Variants in LIMK2 observed in about 807,000 individuals in gnomAD.
LIMK2 encodes LIM domain kinase 2.
LIMK2 carries 35 observed loss-of-function variants against 75.7 expected under a neutral mutation model. That is an observed-to-expected ratio of 0.46 (90% confidence interval 0.35 to 0.61). The LOEUF (loss-of-function observed/expected upper bound fraction) is 0.61. Among genes scored for constraint, LIMK2 ranks in the 20% least tolerant of loss-of-function variants. The pLI is 0.00. For synonymous variants in LIMK2, 301 were observed against 319.2 expected (o/e 0.94, Z 0.61); for missense variants, 623 against 831.0 (o/e 0.75, Z 3.08).
Position 31,275,322 on chromosome 22 carries a change from C to T in LIMK2, c.1772+14C>T. ...GCCTGAGAGCAGGTTGGTATCCTGCCTTTTTCTCCCAGCTCACAGGGTCCT... is the reference window on the plus strand; with the variant it reads ...GCCTGAGAGCAGGTTGGTATCCTGCTTTTTTCTCCCAGCTCACAGGGTCCT... On this transcript the variant is annotated intron_variant, in intron 15 of 15. Coordinates refer to ENST00000331728, the MANE Select transcript of LIMK2 (RefSeq NM_005569.4). 1 of 1,613,904 alleles carries T rather than the reference C, an allele frequency of 6.2e-7. No homozygotes were observed. The highest frequency in any genetic ancestry group is 8.5e-7 in the Non-Finnish European group (1 of 1,179,928).
chr22:31,276,112 T>G (rs568644729), intron 15 of LIMK2, among the ~76,000 whole-genome samples: 17 of 152,196 alleles, frequency 1.1e-4, no homozygotes, highest in Admixed American at 9.8e-4. Flanking sequence ...GGCAGGTGCC[T>G]GTAACCCCAG....
intron 2 of LIMK2, among the ~76,000 whole-genome samples, chr22:31,245,009 A>G (rs1031571379): frequency 2.6e-5 from 4 of 152,262 alleles, no homozygotes; most frequent in Non-Finnish European, 5.9e-5. Flanking sequence ...GAGAAAAATC[A>G]CAGCACTGTG....
intron 8 of LIMK2, among the ~76,000 whole-genome samples, chr22:31,266,391 G>A (rs958665725): frequency 6.6e-6 from 1 of 152,130 alleles, no homozygotes; most frequent in Non-Finnish European, 1.5e-5. Context: ...CCTCCAGTCA[G>A]TGGGTGTTTG....
At chr22:31,246,553 G>A (rs1213625035) in intron 2 of LIMK2, among the ~76,000 whole-genome samples, 1 of 152,054 alleles carries the variant, frequency 6.6e-6, no homozygotes, top group East Asian at 1.9e-4. Context: ...CAGAAAAAGT[G>A]CCTTGACCTG....
intron 2 of LIMK2, among the ~76,000 whole-genome samples, chr22:31,245,495 T>C (rs952946815): frequency 2.6e-5 from 4 of 151,956 alleles, no homozygotes; most frequent in African/African-American, 9.7e-5. Flanking sequence ...AGAGACAGGG[T>C]TTCTCCATGT....
chr22:31,278,411 G>A lies in LIMK2; in HGVS notation c.1887G>A (p.Gln629=), dbSNP rs1348745484. The stretch of plus-strand genomic sequence containing the variant: ...AGTTGGACCACACTGTGAGCATGCA[G>A]TACGGCCTGACCCGGGACTCACCTC... ...LEELDHTVSM[Q]YGLTRDSPP The change falls in exon 16 of 16, where the codon CAG becomes CAA. Residue 629 remains glutamine (Q), a synonymous_variant. Transcript: ENST00000331728. 1 of 1,613,342 alleles carries A rather than the reference G, an allele frequency of 6.2e-7. No homozygotes were observed. The highest frequency in any genetic ancestry group is 8.5e-7 in the Non-Finnish European group (1 of 1,179,730).
At chr22:31,265,923 C>T (rs372823463) in intron 7 of LIMK2, 23 bp from the exon 8 acceptor site, 33 of 1,611,208 alleles carry the variant, frequency 2.0e-5, no homozygotes, top group Non-Finnish European at 5.1e-6. Flanking sequence ...CACATCCCTA[C>T]TCCCGTCTTT....
chr22:31,263,143 G>A (rs563844655), intron 7 of LIMK2, among the ~76,000 whole-genome samples: 1 of 152,306 alleles, frequency 6.6e-6, no homozygotes, highest in Non-Finnish European at 1.5e-5. Context: ...AATAAATTGT[G>A]TAGAAAGACT....
intron 2 of LIMK2, among the ~76,000 whole-genome samples, chr22:31,233,148 G>C (rs2048543347): frequency 1.3e-5 from 2 of 152,188 alleles, no homozygotes; most frequent in South Asian, 2.1e-4. Context: ...GGCTGCTTGA[G>C]CTTAAATGCC....
chr22:31,275,169 G>A lies in LIMK2; in HGVS notation c.1633G>A (p.Ala545Thr). 6.2e-7 allele frequency: 1 copy of A among 1,614,202 alleles called. No individual in the cohort carries two copies. Among genetic ancestry groups the A allele is most frequent in the Non-Finnish European group, 8.5e-7 (1 of 1,180,042 alleles). Reference protein sequence around the residue: ...VLCEIIGQVYADPDCLPRTLD... With the variant: ...VLCEIIGQVYTDPDCLPRTLD... ...CCTACAGATCATTGGGCAGGTGTAT[G>A]CAGATCCTGACTGCCTTCCCCGAAC... The change falls in exon 15 of 16, where the codon GCA (alanine) becomes ACA (threonine). Residue 545 changes from alanine to threonine, a missense_variant. Coordinates refer to ENST00000331728, the MANE Select transcript of LIMK2 (RefSeq NM_005569.4).
intron 2 of LIMK2, among the ~76,000 whole-genome samples, chr22:31,255,445 A>G (rs992067112): frequency 1.3e-5 from 2 of 152,204 alleles, no homozygotes; most frequent in African/African-American, 4.8e-5. Context: ...AGGAAAAGCT[A>G]TAGGGTAAAA....
chr22:31,224,335 T>A (rs546448927), intron 1 of LIMK2, among the ~76,000 whole-genome samples: 70 of 152,292 alleles, frequency 4.6e-4, no homozygotes, highest in African/African-American at 1.5e-3. Flanking sequence ...GATAGGTAAG[T>A]CTTCCCTATC....
At chr22:31,214,451 CA>C (rs1789999058) in intron 1 of LIMK2, among the ~76,000 whole-genome samples, 1 of 151,950 alleles carries the variant, frequency 6.6e-6, no homozygotes, top group African/African-American at 2.4e-5. Context: ...AAGAGTGCAC[CA>C]GGGGTGAGGG....
intron 1 of LIMK2, among the ~76,000 whole-genome samples, chr22:31,222,569 T>C (rs2048444749): frequency 6.6e-6 from 1 of 151,616 alleles, no homozygotes; most frequent in South Asian, 2.1e-4. Context: ...GAGGTGGGGT[T>C]TTACCATGTT....
At chr22:31,227,311 C>T (rs375753616) in intron 2 of LIMK2, among the ~76,000 whole-genome samples, 78 of 152,326 alleles carry the variant, frequency 5.1e-4, no homozygotes, top group African/African-American at 1.9e-3. Flanking sequence ...CTGTAGATTC[C>T]AGCTCCTGCA....
At chr22:31,268,645 C>T (rs577427514) in intron 11 of LIMK2, among the ~76,000 whole-genome samples, 30 of 152,260 alleles carry the variant, frequency 2.0e-4, no homozygotes, top group Admixed American at 1.7e-3. Context: ...GAGCAAAGAC[C>T]TGGGAGGAAA....
At chr22:31,217,535 ATGGGATCTT>A (rs1479824111) in intron 1 of LIMK2, among the ~76,000 whole-genome samples, 1 of 152,222 alleles carries the variant, frequency 6.6e-6, no homozygotes, top group African/African-American at 2.4e-5. Context: ...TCCTGATCTC[ATGGGATCTT>A]TGTATTCAGT....
rs545855471 is a variant in LIMK2, at chr22:31,218,173, C to T, written c.16+5749C>T. 2.0e-5 allele frequency among the ~76,000 whole-genome samples: 3 copies of T among 152,318 alleles called. No individual in the cohort carries two copies. In the South Asian group the frequency reaches 6.2e-4, roughly 32 times the overall value. ...CTATTACATTATTTCTATTAATCCA[C>T]TTGGTAATCCTGTAAAGCAGGTGGT... On this transcript the variant is annotated intron_variant, in intron 1 of 15. Coordinates refer to ENST00000331728, the MANE Select transcript of LIMK2 (RefSeq NM_005569.4).
At chr22:31,236,132 A>C (rs2048572064) in intron 2 of LIMK2, among the ~76,000 whole-genome samples, 1 of 151,482 alleles carries the variant, frequency 6.6e-6, no homozygotes, top group Non-Finnish European at 1.5e-5. Flanking sequence ...CTGTCTCTAC[A>C]AAAATACAAA....
Sources: allele counts gnomAD v4.1 joint callset (sites outside exome capture counted in the v4.1 genomes callset), GRCh38; gene constraint gnomAD v4.1.1; transcripts MANE v1.5; gene names NCBI Gene and HGNC (gene_info 2026-07-23, HGNC 2026-07-21).